The following C11orf52 variants were observed in gnomAD, a reference collection of about 807,000 sequenced individuals.
C11orf52 encodes the protein uncharacterized protein C11orf52.
C11orf52 carries 9 observed loss-of-function variants against 11.7 expected under a neutral mutation model. That is an observed-to-expected ratio of 0.77 (90% CI 0.46 to 1.34). The LOEUF (loss-of-function observed/expected upper bound fraction) is 1.34. Ranked by LOEUF, C11orf52 falls within the 40% of genes most tolerant of loss-of-function variation. C11orf52 has a pLI of 0.00. For synonymous variants in C11orf52, 49 were observed against 57.4 expected, an observed-to-expected ratio of 0.85 and a Z score of 0.66; for missense variants, 139 against 154.8, an observed-to-expected ratio of 0.90 and a Z score of 0.54.
intron 1 of C11orf52, 42 bp downstream of exon 1, chr11:111,919,046 T>C (rs782302504): frequency 3.1e-6 from 5 of 1,611,906 alleles, no homozygotes; most frequent in Admixed American, 1.7e-5. Context: ...CTATCTCTGT[T>C]GGTGGATGTA....
At position 111,925,687 on chromosome 11, in the gene C11orf52, A is replaced by C. The variant is rs1965786617; in HGVS notation, c.105A>C (p.Pro35=). The C allele has an allele frequency of 1.2e-6, 2 of 1,614,228 alleles. No individual in the cohort carries two copies. Among genetic ancestry groups the C allele is most frequent in the Non-Finnish European group, 1.7e-6 (2 of 1,180,032 alleles). Residue 35 remains proline, a synonymous_variant, in exon 3 of 4, where the codon CCA becomes CCC. Transcript: ENST00000278601. ...CAAGACGGACACTGAAGCCGCAGCC[A>C]CAACAGCTGCAGCAGAATCTCCCAA... The part of the protein sequence containing the change: ...SQTRRTLKPQ[P]QQLQQNLPKG...
Position 111,918,952 on chromosome 11 carries a change from C to T in C11orf52, c.-21C>T, listed in dbSNP as rs1026531753. On this transcript the variant is annotated 5_prime_UTR_variant, in exon 1 of 4. Transcript: ENST00000278601. ...CTCTTGATGCATAAAAACAGCTGGG[C>T]TCCCTTGGAGACAGAGCGCCATGGG... The T allele has an allele frequency of 1.9e-6, 3 of 1,614,166 alleles. No individual in the cohort carries two copies. Among genetic ancestry groups the T allele is most frequent in the Non-Finnish European group, 2.5e-6 (3 of 1,179,994 alleles).
rs75121207 is a variant in C11orf52 at position 111,926,817 on chromosome 11, C to G, written c.*618C>G. ...GGCCTGGAAACTTCCCTCGGAGGGA[C>G]TGTTGGCTCTCGCAGGTGCGGGGCC... On this transcript the variant is annotated 3_prime_UTR_variant, in exon 4 of 4. Transcript: ENST00000278601. 6.8e-3 allele frequency: 1,048 copies of G among 153,268 alleles called. 5 individuals are homozygous for G. Among genetic ancestry groups the G allele is most frequent in the Middle Eastern group, 0.05 (15 of 298 alleles). The allele number at this position is 153,268 out of a possible 1,614,324, so 9.5% of individuals were successfully genotyped here. A position where few individuals can be genotyped will look rare whatever the true frequency, so the allele number is the denominator to read the frequency against.
Position 111,925,715 on chromosome 11 carries a change from G to A in C11orf52, c.132+1G>A, listed in dbSNP as rs1392076515. 7 of 1,614,076 alleles carry A rather than the reference G, an allele frequency of 4.3e-6. No homozygotes were observed. Among genetic ancestry groups the A allele is most frequent in the Non-Finnish European group, 5.9e-6 (7 of 1,180,024 alleles). On this transcript the variant is annotated splice_donor_variant, in intron 3 of 3. Coordinates refer to ENST00000278601, the MANE Select transcript of C11orf52 (RefSeq NM_080659.3). LOFTEE classifies it high-confidence loss of function. The stretch of plus-strand genomic sequence containing the variant: ...ACAGCTGCAGCAGAATCTCCCAAAG[G>A]TAATGACAGGTCTCTGTCCCCTCTC...
At chr11:111,923,876 C>G (rs1965740930) in intron 1 of C11orf52, among the ~76,000 whole-genome samples, 1 of 152,102 alleles carries the variant, frequency 6.6e-6, no homozygotes. Context: ...GTGGCAACTT[C>G]CATGACTCCC....
chr11:111,926,419 C>G lies in C11orf52; in HGVS notation c.*220C>G, dbSNP rs1396567701. The stretch of plus-strand genomic sequence containing the variant: ...AGTTGGTTTAGCTATGGGTGGATAG[C>G]TAAACTTAGCTATCCACATGAGGTT... On this transcript the variant is annotated 3_prime_UTR_variant, in exon 4 of 4. Coordinates refer to ENST00000278601, the MANE Select transcript of C11orf52 (RefSeq NM_080659.3). 1.6e-6 allele frequency: 1 copy of G among 634,530 alleles called. No individual in the cohort carries two copies. The highest frequency in any genetic ancestry group is 3.0e-5 in the Admixed American group (1 of 33,458). 39.3% of individuals were successfully genotyped at this position (634,530 alleles called of 1,614,324 possible).
At position 111,926,186 on chromosome 11, in the gene C11orf52, G is replaced by C. The variant is rs1181576025; in HGVS notation, c.359G>C (p.Gly120Ala). The change falls in exon 4 of 4, where the codon GGG becomes GCG. Residue 120 changes from glycine (G) to alanine (A), a missense_variant. Gly to Ala is a moderately conservative substitution (Grantham distance 60, BLOSUM62 0). Coordinates refer to ENST00000278601, the MANE Select transcript of C11orf52 (RefSeq NM_080659.3). ...QATPRYDSKNGTLV is the reference protein window; with the variant it reads ...QATPRYDSKNATLV The stretch of plus-strand genomic sequence containing the variant: ...ACACCTCGCTATGACAGCAAGAACG[G>C]GACCCTGGTGTGAGCGCTTGGGAGG... 2.5e-6 allele frequency: 4 copies of C among 1,613,812 alleles called. No homozygotes were observed. Among genetic ancestry groups the C allele is most frequent in the African/African-American group, 1.3e-5 (1 of 74,930 alleles).
intron 3 of C11orf52, 75 bp downstream of exon 3, chr11:111,925,789 A>G: frequency 6.3e-7 from 1 of 1,581,804 alleles, no homozygotes; most frequent in Non-Finnish European, 8.7e-7. Flanking sequence ...TTTGCACTGC[A>G]ACAGACACAT....
In C11orf52 at chr11:111,925,661, A is replaced by T. The variant is rs781912418; in HGVS notation, c.79A>T (p.Thr27Ser). ...FQKKKKTGSQ[T>S]RRTLKPQPQQ... ...GGATTTCTTCCCCTCAGGAAGCCAA[A>T]CAAGACGGACACTGAAGCCGCAGCC... Residue 27 changes from threonine to serine, a missense_variant, in exon 3 of 4, where the codon ACA becomes TCA. Thr to Ser is a moderately conservative substitution (Grantham distance 58). Transcript: ENST00000278601. 26 of 1,614,098 alleles carry T rather than the reference A, an allele frequency of 1.6e-5. No individual in the cohort carries two copies. The Admixed American group carries it at 4.3e-4, about 27-fold the overall frequency.
At chr11:111,919,134 C>T (rs1965645803) in intron 1 of C11orf52, 130 bp downstream of exon 1, 3 of 1,003,386 alleles carry the variant, frequency 3.0e-6, no homozygotes, top group Non-Finnish European at 4.5e-6. Context: ...CTGGTACCTC[C>T]TTGTTCCAAC....
chr11:111,926,127 TAC>T lies in C11orf52; in HGVS notation c.302_303del (p.Thr101ArgfsTer15), dbSNP rs781815028. 2 of 1,614,224 alleles carry T rather than the reference TAC, an allele frequency of 1.2e-6. No homozygotes were observed. Among genetic ancestry groups the T allele is most frequent in the East Asian group, 2.2e-5 (1 of 44,890 alleles). On this transcript the variant is annotated frameshift_variant, in exon 4 of 4. Transcript: ENST00000278601. LOFTEE classifies it high-confidence loss of function. ...TGAAACACGTGCATTTAGAAAACGCTACAGAGTATGCGACCCTTCGCTTCCCC... is the reference window on the plus strand; with the variant it reads ...TGAAACACGTGCATTTAGAAAACGCTAGAGTATGCGACCCTTCGCTTCCCC... ...EVKHVHLENATEYATLRFPQA... is the reference protein window; with the variant it reads ...EVKHVHLENAXEYATLRFPQA...
At chr11:111,921,942 C>A (rs1422171397) in intron 1 of C11orf52, among the ~76,000 whole-genome samples, 2 of 152,136 alleles carry the variant, frequency 1.3e-5, no homozygotes, top group African/African-American at 4.8e-5. Flanking sequence ...AAGCGATTCT[C>A]ATGCCTCAGT....
At chr11:111,920,867 A>G (rs1965685730) in intron 1 of C11orf52, among the ~76,000 whole-genome samples, 1 of 152,258 alleles carries the variant, frequency 6.6e-6, no homozygotes, top group Non-Finnish European at 1.5e-5. Flanking sequence ...ACCATAGGTA[A>G]TAAGTCCCTT....
rs147245362 is a variant in C11orf52, at chr11:111,926,105, A to C, written c.278A>C (p.Lys93Thr). 878 of 1,614,126 alleles carry C rather than the reference A, an allele frequency of 5.4e-4. No individual in the cohort carries two copies. Among genetic ancestry groups the C allele is most frequent in the Non-Finnish European group, 6.8e-4 (806 of 1,180,048 alleles). ...AGCCGTCCCCATGCCCGGGAAGTGA[A>C]ACACGTGCATTTAGAAAACGCTACA... is the stretch of plus-strand genomic sequence containing the variant. ...VCSRPHAREV[K>T]HVHLENATEY... is the part of the protein sequence containing the mutation. The change falls in exon 4 of 4, where the codon AAA becomes ACA. Residue 93 changes from lysine (K) to threonine (T), a missense_variant. Lys to Thr is a moderately conservative substitution (Grantham distance 78, BLOSUM62 -1). Coordinates refer to ENST00000278601, the MANE Select transcript of C11orf52 (RefSeq NM_080659.3).
At chr11:111,924,228 C>A in intron 1 of C11orf52, 98 bp from the exon 2 acceptor site, 1 of 1,149,394 alleles carries the variant, frequency 8.7e-7, no homozygotes, top group Non-Finnish European at 1.3e-6. Context: ...GTAGGGGAAG[C>A]TCATCAGAAT....
rs781991322 is a variant in C11orf52 at position 111,924,294 on chromosome 11, T to G, written c.33-32T>G. The stretch of plus-strand genomic sequence containing the variant: ...GAGGGAAGGCAGAGGCCAGGGCTCT[T>G]GCACATGGGTGATCTGTTTTTCCTA... On this transcript the variant is annotated intron_variant, in intron 1 of 3. Transcript: ENST00000278601. The G allele has an allele frequency of 8.7e-6, 14 of 1,609,474 alleles. No homozygotes were observed. The South Asian group carries it at 1.3e-4, about 15-fold the overall frequency.
At chr11:111,919,530 A>C (rs1555166355) in intron 1 of C11orf52, among the ~76,000 whole-genome samples, 1 of 152,066 alleles carries the variant, frequency 6.6e-6, no homozygotes, top group Non-Finnish European at 1.5e-5. Context: ...TGGCCAGAGC[A>C]GGGCAGGAAT....
intron 2 of C11orf52, among the ~76,000 whole-genome samples, 175 bp downstream of exon 2, chr11:111,924,538 T>C (rs1404834035): frequency 1.3e-5 from 2 of 152,224 alleles, no homozygotes; most frequent in Non-Finnish European, 2.9e-5. Flanking sequence ...CTCTGGATCT[T>C]ATCCTTTCCA....
chr11:111,919,828 A>G (rs1169592400), intron 1 of C11orf52, among the ~76,000 whole-genome samples: 1 of 152,228 alleles, frequency 6.6e-6, no homozygotes, highest in Non-Finnish European at 1.5e-5. Context: ...CTGACTTCAG[A>G]GGCCACCTTT....
Sources: allele counts gnomAD v4.1 joint callset (sites outside exome capture counted in the v4.1 genomes callset), GRCh38; gene constraint gnomAD v4.1.1; transcripts MANE v1.5; gene names NCBI Gene and HGNC (gene_info 2026-07-23, HGNC 2026-07-21).